Variants in EFHC2 observed in about 807,000 individuals in gnomAD.
EFHC2 encodes the protein EF-hand domain containing 2.
EFHC2 carries 18 observed loss-of-function variants against 52.7 expected under a neutral mutation model. The observed-to-expected ratio is 0.34, with a 90% CI of 0.24 to 0.51. The LOEUF is 0.51. Ranked by LOEUF, EFHC2 falls within the 20% of genes least tolerant of loss-of-function variation. The probability of loss-of-function intolerance (pLI) is 0.97; values close to 1 mark genes in which losing one functional copy is unlikely to be tolerated. For synonymous variants in EFHC2, 203 were observed against 204.1 expected (o/e 0.99, Z 0.04); for missense variants, 513 against 562.5 (o/e 0.91, Z 0.89).
intron 1 of EFHC2, among the ~76,000 whole-genome samples, chrX:44,321,215 G>A (rs973962828): frequency 9.0e-6 from 1 of 111,438 alleles, no homozygotes; most frequent in Non-Finnish European, 1.9e-5. Context: ...CCTGAACAAC[G>A]AGAAGAATGG....
intron 11 of EFHC2, among the ~76,000 whole-genome samples, chrX:44,195,837 C>T (rs1013481040): frequency 1.8e-5 from 2 of 111,927 alleles, no homozygotes; most frequent in Non-Finnish European, 3.8e-5. Context: ...TTCTTGCACT[C>T]TGCATTAGGA....
intron 11 of EFHC2, among the ~76,000 whole-genome samples, chrX:44,213,536 C>T (rs183362406): frequency 5.4e-5 from 6 of 111,524 alleles, no homozygotes; most frequent in Admixed American, 2.9e-4. Context: ...ACTCAAAGGG[C>T]GAGGGCTTCT....
At chrX:44,202,341 GGC>G (rs1163223931) in intron 11 of EFHC2, among the ~76,000 whole-genome samples, 2 of 111,167 alleles carry the variant, frequency 1.8e-5, no homozygotes, top group African/African-American at 6.6e-5. Context: ...GAACCCGGGT[GGC>G]GGAGGCTGTA....
intron 14 of EFHC2, among the ~76,000 whole-genome samples, chrX:44,151,323 T>C (rs1403201524): frequency 8.9e-6 from 1 of 111,947 alleles, no homozygotes; most frequent in Non-Finnish European, 1.9e-5. Context: ...ATTAGTTTCC[T>C]GGGGCTGCCG....
At chrX:44,218,824 C>A (rs890015805) in intron 11 of EFHC2, among the ~76,000 whole-genome samples, 1 of 111,859 alleles carries the variant, frequency 8.9e-6, no homozygotes, top group African/African-American at 3.2e-5. Flanking sequence ...TATGACCCAG[C>A]AATTCCATTC....
In EFHC2 at chrX:44,272,478, A is replaced by C. The variant is rs956315820; in HGVS notation, c.382+208T>G. ...TACAAGTATGCCACGGAGGAGTGAGAGACCCAGCCAATGTTGACATGCAGA... is the reference window on the plus strand; with the variant it reads ...TACAAGTATGCCACGGAGGAGTGAGCGACCCAGCCAATGTTGACATGCAGA... On this transcript the variant is annotated intron_variant, in intron 3 of 14. Transcript: ENST00000420999. 2.7e-5 allele frequency among the ~76,000 whole-genome samples: 3 copies of C among 112,032 alleles called. No individual in the cohort carries two copies. In the Admixed American group the frequency reaches 2.9e-4, roughly 11 times the overall value.
chrX:44,330,900 G>A (rs1421721445), intron 1 of EFHC2, among the ~76,000 whole-genome samples: 1 of 111,858 alleles, frequency 8.9e-6, no homozygotes. Context: ...GCGGACCAGG[G>A]TGCAAAGAAA....
chrX:44,275,364 A>G (rs2037648160), intron 2 of EFHC2, among the ~76,000 whole-genome samples: 1 of 110,641 alleles, frequency 9.0e-6, no homozygotes, highest in Non-Finnish European at 1.9e-5. Flanking sequence ...AGAATGAGGT[A>G]GAGATGGAAA....
At chrX:44,293,858 T>C (rs2037809422) in intron 2 of EFHC2, among the ~76,000 whole-genome samples, 1 of 111,891 alleles carries the variant, frequency 8.9e-6, no homozygotes, top group African/African-American at 3.2e-5. Context: ...CTCTTACCCA[T>C]AGGGCTATCT....
At position 44,235,413 on chromosome X, in the gene EFHC2, C is replaced by T; in HGVS notation, c.1315G>A (p.Ala439Thr). 8.4e-7 allele frequency: 1 copy of T among 1,190,778 alleles called. No homozygotes were observed. The highest frequency in any genetic ancestry group is 1.1e-6 in the Non-Finnish European group (1 of 885,298). ...ACACATTTGTCTGTGACTAGTTTTG[C>T]AAAAAAACGGAGTATATTGCTTTTG... Reference protein sequence around the residue: ...GSKSNILRFFAKLVTDKCVDL... With the variant: ...GSKSNILRFFTKLVTDKCVDL... Residue 439 changes from alanine to threonine, a missense_variant, in exon 9 of 15, where the codon GCA becomes ACA. By Grantham distance (58) the Ala-to-Thr change is moderately conservative. Coordinates refer to ENST00000420999, the MANE Select transcript of EFHC2 (RefSeq NM_025184.4).
chrX:44,260,582 T>C lies in EFHC2; in HGVS notation c.606+493A>G, dbSNP rs755856177. The stretch of plus-strand genomic sequence containing the variant: ...ATCAGAATCATGGTCTTCCTTATTC[T>C]TCCAGAGCATCTTGGCATCCAATGC... On this transcript the variant is annotated intron_variant, in intron 4 of 14. Coordinates refer to ENST00000420999, the MANE Select transcript of EFHC2 (RefSeq NM_025184.4). Among the ~76,000 whole-genome samples the C allele has an allele frequency of 4.5e-5, 5 of 112,144 alleles. No homozygotes were observed. In the East Asian group the frequency reaches 1.4e-3, roughly 31 times the overall value.
intron 11 of EFHC2, among the ~76,000 whole-genome samples, chrX:44,201,377 G>A (rs907836656): frequency 1.8e-5 from 2 of 110,380 alleles, no homozygotes; most frequent in African/African-American, 6.6e-5. Flanking sequence ...AGAACAACAT[G>A]ATAAAAATAA....
intron 4 of EFHC2, among the ~76,000 whole-genome samples, chrX:44,252,972 C>T (rs2037463171): frequency 9.0e-6 from 1 of 110,912 alleles, no homozygotes; most frequent in Non-Finnish European, 1.9e-5. Context: ...TAGGTGCAGC[C>T]CACGGAGGGC....
At chrX:44,300,629 C>T (rs967659408) in intron 2 of EFHC2, among the ~76,000 whole-genome samples, 2 of 111,825 alleles carry the variant, frequency 1.8e-5, no homozygotes, top group African/African-American at 6.5e-5. Context: ...TATAGTTAAA[C>T]TTTGAAACAA....
At chrX:44,210,108 G>C (rs1039463379) in intron 11 of EFHC2, among the ~76,000 whole-genome samples, 1 of 111,108 alleles carries the variant, frequency 9.0e-6, no homozygotes, top group Admixed American at 9.6e-5. Context: ...CATGACACCT[G>C]GGCCTATGGA....
At position 44,148,465 on chromosome X, in the gene EFHC2, C is replaced by CTTCAAAAG; in HGVS notation, c.*322_*329dup. 5.9e-6 allele frequency: 1 copy of CTTCAAAAG among 168,768 alleles called. No homozygotes were observed. The highest frequency in any genetic ancestry group is 1.4e-4 in the South Asian group (1 of 6,912). 13.9% of individuals were successfully genotyped at this position (168,768 alleles called of 1,213,427 possible). A position where few individuals can be genotyped will look rare whatever the true frequency, so the allele number is the denominator to read the frequency against. ...TTGATTTTGTATTGTCATGTATAAC[C>CTTCAAAAG]TTCAAAAGTCATTTTCTGTTCATAT... On this transcript the variant is annotated 3_prime_UTR_variant, in exon 15 of 15. Transcript: ENST00000420999.
At chrX:44,205,497 T>C (rs1405798936) in intron 11 of EFHC2, among the ~76,000 whole-genome samples, 1 of 109,536 alleles carries the variant, frequency 9.1e-6, no homozygotes, top group Non-Finnish European at 1.9e-5. Flanking sequence ...AGGCCCAAAG[T>C]AAAGGGATGG....
intron 1 of EFHC2, among the ~76,000 whole-genome samples, chrX:44,327,394 T>G (rs1477628739): frequency 9.0e-6 from 1 of 111,683 alleles, no homozygotes; most frequent in Non-Finnish European, 1.9e-5. Context: ...TGAAGAGAGA[T>G]AGTTAATATT....
Position 44,156,440 on chromosome X carries a change from A to G in EFHC2, c.2148+7482T>C, listed in dbSNP as rs1296376312. 3.6e-5 allele frequency among the ~76,000 whole-genome samples: 4 copies of G among 112,425 alleles called. No homozygotes were observed. The East Asian group carries it at 1.1e-3, about 31-fold the overall frequency. On this transcript the variant is annotated intron_variant, in intron 14 of 14. Coordinates refer to ENST00000420999, the MANE Select transcript of EFHC2 (RefSeq NM_025184.4). Reference sequence around the variant, plus strand: ...AGCTTCCTGTCTATAAATTGGGGATAATACTTATTCTTGCAAGATTGTTGG... The same window carrying G: ...AGCTTCCTGTCTATAAATTGGGGATGATACTTATTCTTGCAAGATTGTTGG...
Sources: allele counts gnomAD v4.1 joint callset (sites outside exome capture counted in the v4.1 genomes callset), GRCh38; gene constraint gnomAD v4.1.1; transcripts MANE v1.5; gene names NCBI Gene and HGNC (gene_info 2026-07-23, HGNC 2026-07-21).